Variants in SPIDR observed in about 807,000 individuals in gnomAD.
The protein encoded by SPIDR is DNA repair-scaffolding protein.
Under a neutral mutation model 104.6 loss-of-function variants are expected in SPIDR, and 93 were observed. The ratio of observed to expected loss-of-function variants is 0.89; its 90% CI spans 0.75 to 1.06. The LOEUF is 1.06. Ranked by LOEUF, SPIDR falls within the 50% of genes least tolerant of loss-of-function variation. SPIDR has a pLI of 0.00. For missense variants in SPIDR, 1,154 were observed against 1,111.2 expected, an observed-to-expected ratio of 1.04 and a Z score of -0.55; for synonymous variants, 431 against 416.9, an observed-to-expected ratio of 1.03 and a Z score of -0.41.
At chr8:47,558,259 G>C (rs1025113424) in intron 8 of SPIDR, among the ~76,000 whole-genome samples, 1 of 152,084 alleles carries the variant, frequency 6.6e-6, no homozygotes, top group Non-Finnish European at 1.5e-5. Flanking sequence ...ATCATGCAAT[G>C]TGCTCATTTA....
At chr8:47,457,128 G>T (rs546532678) in intron 8 of SPIDR, among the ~76,000 whole-genome samples, 1 of 152,258 alleles carries the variant, frequency 6.6e-6, no homozygotes, top group South Asian at 2.1e-4. Context: ...ACCCAGTAGT[G>T]GGATTGCTAG....
intron 8 of SPIDR, among the ~76,000 whole-genome samples, chr8:47,494,550 T>C (rs950809530): frequency 2.0e-5 from 3 of 152,212 alleles, no homozygotes; most frequent in Admixed American, 2.0e-4. Context: ...TTACAGGATT[T>C]ATAAATCACA....
chr8:47,283,889 T>A (rs3736254), intron 2 of SPIDR, 139 bp from the exon 3 acceptor site: 247,633 of 584,524 alleles, frequency 0.42, 60,652 homozygotes, highest in African/African-American at 0.86. Flanking sequence ...TGCTTTGGGA[T>A]TACTGAAATT....
intron 5 of SPIDR, among the ~76,000 whole-genome samples, chr8:47,374,425 T>C (rs1279763477): frequency 2.0e-5 from 3 of 152,228 alleles, no homozygotes; most frequent in Admixed American, 1.3e-4. Context: ...AAAGACTGTA[T>C]CTATTCAAAA....
At chr8:47,519,924 C>T (rs1033585995) in intron 8 of SPIDR, among the ~76,000 whole-genome samples, 8 of 151,972 alleles carry the variant, frequency 5.3e-5, no homozygotes, top group Admixed American at 4.6e-4. Flanking sequence ...CAAAGACAAC[C>T]GAATTAGTCA....
At chr8:47,616,749 T>C (rs1028338393) in intron 10 of SPIDR, among the ~76,000 whole-genome samples, 3 of 152,210 alleles carry the variant, frequency 2.0e-5, no homozygotes, top group African/African-American at 7.2e-5. Context: ...CATACCCAGT[T>C]TCCCCTGTTG....
At chr8:47,700,195 GT>G (rs2079958270) in intron 11 of SPIDR, among the ~76,000 whole-genome samples, 1 of 152,168 alleles carries the variant, frequency 6.6e-6, no homozygotes, top group Non-Finnish European at 1.5e-5. Flanking sequence ...TCCTAATTTA[GT>G]GAGCAAGTTC....
At chr8:47,492,597 G>C (rs574447252) in intron 8 of SPIDR, among the ~76,000 whole-genome samples, 124 of 152,174 alleles carry the variant, frequency 8.1e-4, no homozygotes, top group Non-Finnish European at 1.1e-3. Context: ...CCTCTTCTCT[G>C]AATCATTGCA....
At chr8:47,417,253 A>G (rs1306324911) in intron 7 of SPIDR, among the ~76,000 whole-genome samples, 3 of 152,212 alleles carry the variant, frequency 2.0e-5, no homozygotes, top group Admixed American at 6.5e-5. Flanking sequence ...ACAGCGTAAA[A>G]GTGTTCCTAT....
At chr8:47,710,594 G>A (rs922804673) in intron 14 of SPIDR, among the ~76,000 whole-genome samples, 1 of 151,202 alleles carries the variant, frequency 6.6e-6, no homozygotes, top group African/African-American at 2.4e-5. Flanking sequence ...TTAGCCTCCC[G>A]AGTAGCTGGG....
At chr8:47,298,259 T>G (rs1336767745) in intron 5 of SPIDR, among the ~76,000 whole-genome samples, 1 of 152,240 alleles carries the variant, frequency 6.6e-6, no homozygotes, top group Non-Finnish European at 1.5e-5. Context: ...ATGTCTTCTT[T>G]TGAGAAGTGT....
intron 10 of SPIDR, among the ~76,000 whole-genome samples, chr8:47,603,343 A>C (rs1357961189): frequency 6.6e-6 from 1 of 152,128 alleles, no homozygotes; most frequent in East Asian, 1.9e-4. Context: ...TCCCTTTCTA[A>C]AACATTCTCT....
chr8:47,420,035 C>G (rs2065129242), intron 7 of SPIDR, among the ~76,000 whole-genome samples: 1 of 152,098 alleles, frequency 6.6e-6, no homozygotes, highest in South Asian at 2.1e-4. Flanking sequence ...TTATTTCCAA[C>G]TATGTGGTCA....
At chr8:47,734,648 A>G (rs1325244403) in intron 19 of SPIDR, among the ~76,000 whole-genome samples, 1 of 150,774 alleles carries the variant, frequency 6.6e-6, no homozygotes, top group African/African-American at 2.4e-5. Context: ...CTGAGCCTTT[A>G]TTTTCAGCCC....
rs1209717199 is a variant in SPIDR at position 47,713,025 on chromosome 8, CCT to C, written c.2188+154_2188+155del. On this transcript the variant is annotated intron_variant, in intron 15 of 19. Transcript: ENST00000297423. ...ACATGGCCCATGTACCAGCCTCCAG[CCT>C]TCACTGACCCTGTAGCAGCCACCTG... The C allele has an allele frequency of 2.8e-6, 4 of 1,409,746 alleles. No homozygotes were observed. The African/African-American group carries it at 4.3e-5, about 15-fold the overall frequency. The allele number at this position is 1,409,746 out of a possible 1,614,324, so 87.3% of individuals were successfully genotyped here. A position where few individuals can be genotyped will look rare whatever the true frequency, so the allele number is the denominator to read the frequency against.
intron 5 of SPIDR, among the ~76,000 whole-genome samples, chr8:47,338,979 T>C (rs782307579): frequency 1.3e-5 from 2 of 152,202 alleles, no homozygotes; most frequent in Non-Finnish European, 2.9e-5. Flanking sequence ...TCAATTGAGC[T>C]TGCATTGTTG....
chr8:47,557,852 G>T (rs1275381366), intron 8 of SPIDR, among the ~76,000 whole-genome samples: 1 of 152,152 alleles, frequency 6.6e-6, no homozygotes, highest in Non-Finnish European at 1.5e-5. Flanking sequence ...ATGCTTCTGT[G>T]TAGAAATGGG....
At chr8:47,629,609 T>C (rs542120595) in intron 10 of SPIDR, among the ~76,000 whole-genome samples, 2 of 152,106 alleles carry the variant, frequency 1.3e-5, no homozygotes, top group Non-Finnish European at 2.9e-5. Context: ...AAAAATTAGC[T>C]GGGTGTGGCG....
rs1480232126 is a variant in SPIDR, at chr8:47,302,259, C to T, written c.525+8229C>T. On this transcript the variant is annotated intron_variant, in intron 5 of 19. Transcript: ENST00000297423. ...AATCGGCTACTGAGGCTTGTGCATT[C>T]GTCACGTAGTTCTCGTGCTGTGGTT... 1.4e-4 allele frequency among the ~76,000 whole-genome samples: 22 copies of T among 152,182 alleles called. No homozygotes were observed. In the East Asian group the frequency reaches 1.5e-3, roughly 11 times the overall value.
Sources: allele counts gnomAD v4.1 joint callset (sites outside exome capture counted in the v4.1 genomes callset), GRCh38; gene constraint gnomAD v4.1.1; transcripts MANE v1.5; gene names NCBI Gene and HGNC (gene_info 2026-07-23, HGNC 2026-07-21).